The following EEF1AKMT1 variants were observed in gnomAD, a reference collection of about 807,000 sequenced individuals.
The protein encoded by EEF1AKMT1 is EEF1A lysine methyltransferase 1, also known as N-6 adenine-specific DNA methyltransferase 2 (putative).
A neutral mutation model predicts 21.0 loss-of-function variants in EEF1AKMT1; 18 were observed. That is an observed-to-expected ratio of 0.86 (90% CI 0.59 to 1.27). The LOEUF (loss-of-function observed/expected upper bound fraction) is 1.27, where lower values mean the gene tolerates loss of function less well. Among genes scored for constraint, EEF1AKMT1 ranks in the 50% most tolerant of loss-of-function variants. The probability of loss-of-function intolerance (pLI) is 0.00; values close to 1 mark genes in which losing one functional copy is unlikely to be tolerated. For missense variants in EEF1AKMT1, 246 were observed against 258.6 expected, an observed-to-expected ratio of 0.95 and a Z score of 0.33; for synonymous variants, 109 against 94.8, an observed-to-expected ratio of 1.15 and a Z score of -0.87.
At chr13:20,729,400 C>T (rs1468367991) in intron 4 of EEF1AKMT1, among the ~76,000 whole-genome samples, 184 bp from the exon 5 acceptor site, 1 of 151,938 alleles carries the variant, frequency 6.6e-6, no homozygotes, top group African/African-American at 2.4e-5. Context: ...TTGCAATTTA[C>T]CAACTTTTTT....
At chr13:20,748,297 A>G (rs1033951891) in intron 2 of EEF1AKMT1, among the ~76,000 whole-genome samples, 2 of 152,086 alleles carry the variant, frequency 1.3e-5, no homozygotes, top group African/African-American at 2.4e-5. Context: ...TTAGCCGGGC[A>G]TGGTGGCGGG....
chr13:20,750,505 G>A (rs2058934720), intron 2 of EEF1AKMT1, among the ~76,000 whole-genome samples: 1 of 152,078 alleles, frequency 6.6e-6, no homozygotes, highest in African/African-American at 2.4e-5. Flanking sequence ...CATCCACTTT[G>A]CTGCAAATGA....
chr13:20,748,136 G>C lies in EEF1AKMT1; in HGVS notation c.144+9319C>G, dbSNP rs568718638. The C allele has an allele frequency of 5.5e-4, 84 of 154,064 alleles. 2 individuals are homozygous for C. The South Asian group carries it at 0.014, about 26-fold the overall frequency. 9.5% of individuals were successfully genotyped at this position (154,064 alleles called of 1,614,324 possible). On this transcript the variant is annotated intron_variant, in intron 2 of 4. Coordinates refer to ENST00000382758, the MANE Select transcript of EEF1AKMT1 (RefSeq NM_001318939.2). ...GCCCTTAATATGTTACATGAACATG[G>C]CTTTAAAAGTCAAAAGCAGGCCGGG...
chr13:20,759,868 G>A (rs1280587208), intron 1 of EEF1AKMT1, among the ~76,000 whole-genome samples: 1 of 152,048 alleles, frequency 6.6e-6, no homozygotes, highest in Non-Finnish European at 1.5e-5. Flanking sequence ...ACTTTGGGAG[G>A]CCAAGGCCAG....
chr13:20,754,361 A>C (rs7989289), intron 2 of EEF1AKMT1, among the ~76,000 whole-genome samples: 14,149 of 151,686 alleles, frequency 0.093, 808 homozygotes, highest in Non-Finnish European at 0.13. Context: ...TAGTCTGATG[A>C]AGTTTCCCTT....
intron 2 of EEF1AKMT1, among the ~76,000 whole-genome samples, chr13:20,739,354 G>T (rs763283626): frequency 3.3e-5 from 5 of 152,286 alleles, no homozygotes; most frequent in Middle Eastern, 6.8e-3. Flanking sequence ...GAGGGTTGCC[G>T]CCGCTAAGCA....
intron 4 of EEF1AKMT1, among the ~76,000 whole-genome samples, chr13:20,730,446 G>A (rs2058786345): frequency 6.6e-6 from 1 of 152,234 alleles, no homozygotes; most frequent in Non-Finnish European, 1.5e-5. Context: ...ACTCAAGGGT[G>A]TGGACACCAC....
chr13:20,739,347 G>A (rs139883375), intron 2 of EEF1AKMT1, among the ~76,000 whole-genome samples: 228 of 152,284 alleles, frequency 1.5e-3, no homozygotes, highest in Middle Eastern at 0.01. Flanking sequence ...AACCCAAGAG[G>A]GTTGCCGCCG....
intron 1 of EEF1AKMT1, among the ~76,000 whole-genome samples, chr13:20,760,104 CAA>C (rs56891551): frequency 8.9e-5 from 5 of 56,240 alleles, no homozygotes; most frequent in African/African-American, 2.7e-4. Flanking sequence ...GACTCTGTCT[CAA>C]AAAAAAAAAA....
At chr13:20,758,829 A>G (rs2058984517) in intron 1 of EEF1AKMT1, among the ~76,000 whole-genome samples, 1 of 152,174 alleles carries the variant, frequency 6.6e-6, no homozygotes, top group Non-Finnish European at 1.5e-5. Flanking sequence ...CAGATACATA[A>G]TCAATGGAAT....
At chr13:20,736,149 G>A (rs191180223) in intron 3 of EEF1AKMT1, among the ~76,000 whole-genome samples, 42 of 152,304 alleles carry the variant, frequency 2.8e-4, no homozygotes, top group East Asian at 2.1e-3. Context: ...ACTCCACAGC[G>A]AGGCACATTG....
At chr13:20,757,225 C>T (rs2058976332) in intron 2 of EEF1AKMT1, 3 of 383,612 alleles carry the variant, frequency 7.8e-6, no homozygotes, top group Admixed American at 4.3e-5. Context: ...CTTCTGATCA[C>T]CAACCAGCCT....
chr13:20,748,031 G>A, intron 2 of EEF1AKMT1: 1 of 228,192 alleles, frequency 4.4e-6, no homozygotes, highest in South Asian at 7.9e-5. Context: ...GTTTGAACTG[G>A]ACTTGGGACT....
Position 20,728,865 on chromosome 13 carries a change from G to C in EEF1AKMT1, c.*215C>G. 1 of 582,252 alleles carries C rather than the reference G, an allele frequency of 1.7e-6. No individual in the cohort carries two copies. Among genetic ancestry groups the C allele is most frequent in the South Asian group, 2.1e-5 (1 of 48,196 alleles). 36.1% of individuals were successfully genotyped at this position (582,252 alleles called of 1,614,324 possible). Reference sequence around the variant, plus strand: ...CAGATTCTAAGGTTTCTTCCAACTCGAATTCCATGGATTCAGGTTGGCAGA... The same window carrying C: ...CAGATTCTAAGGTTTCTTCCAACTCCAATTCCATGGATTCAGGTTGGCAGA... On this transcript the variant is annotated 3_prime_UTR_variant, in exon 5 of 5. Coordinates refer to ENST00000382758, the MANE Select transcript of EEF1AKMT1 (RefSeq NM_001318939.2).
chr13:20,742,741 C>G (rs1205965072), intron 2 of EEF1AKMT1, among the ~76,000 whole-genome samples: 1 of 152,196 alleles, frequency 6.6e-6, no homozygotes, highest in African/African-American at 2.4e-5. Context: ...CTGCCTCTTA[C>G]TGAGCTGTCC....
At chr13:20,753,981 G>A (rs1047889432) in intron 2 of EEF1AKMT1, among the ~76,000 whole-genome samples, 1 of 151,870 alleles carries the variant, frequency 6.6e-6, no homozygotes, top group Non-Finnish European at 1.5e-5. Flanking sequence ...TTTATTTCTG[G>A]TTACCTTGTA....
intron 1 of EEF1AKMT1, 100 bp from the exon 2 acceptor site, chr13:20,757,717 G>T: frequency 1.1e-6 from 1 of 932,574 alleles, no homozygotes; most frequent in Non-Finnish European, 1.6e-6. Flanking sequence ...GATCCAAACT[G>T]AAGTGAGTTT....
intron 2 of EEF1AKMT1, among the ~76,000 whole-genome samples, chr13:20,754,321 C>A (rs1196599618): frequency 6.6e-6 from 1 of 151,246 alleles, no homozygotes; most frequent in Non-Finnish European, 1.5e-5. Flanking sequence ...TCCCTCCTGG[C>A]ATGTAAGATT....
intron 2 of EEF1AKMT1, among the ~76,000 whole-genome samples, chr13:20,749,888 C>A (rs2058931430): frequency 6.6e-6 from 1 of 152,128 alleles, no homozygotes. Flanking sequence ...CTAGGATGTT[C>A]TTTGTCATCT....
Sources: gnomAD v4.1 joint callset for allele counts (sites outside exome capture counted in the v4.1 genomes callset) on GRCh38, gnomAD v4.1.1 for gene constraint, MANE v1.5 for transcripts, NCBI Gene and HGNC (gene_info 2026-07-23, HGNC 2026-07-21) for gene names.